Variants in DGAT1 observed in about 807,000 individuals in gnomAD.
DGAT1 encodes the protein ACAT related gene product 1.
A neutral mutation model predicts 72.6 loss-of-function variants in DGAT1; 60 were observed. The ratio of observed to expected loss-of-function variants is 0.83; its 90% CI spans 0.67 to 1.02. The LOEUF (loss-of-function observed/expected upper bound fraction) is 1.02, where lower values mean the gene tolerates loss of function less well. Ranked by LOEUF, DGAT1 falls within the 50% of genes least tolerant of loss-of-function variation. The pLI is 0.00. For synonymous variants in DGAT1, 290 were observed against 267.5 expected, an observed-to-expected ratio of 1.08 and a Z score of -0.82; for missense variants, 592 against 670.0, an observed-to-expected ratio of 0.88 and a Z score of 1.29.
chr8:144,316,241 G>T lies in DGAT1; in HGVS notation c.*313C>A. 2.9e-6 allele frequency: 1 copy of T among 346,202 alleles called. No homozygotes were observed. Among genetic ancestry groups the T allele is most frequent in the Non-Finnish European group, 5.4e-6 (1 of 186,760 alleles). The allele number at this position is 346,202 out of a possible 1,614,324, so 21.4% of individuals were successfully genotyped here. A position where few individuals can be genotyped will look rare whatever the true frequency, so the allele number is the denominator to read the frequency against. ...ACAGCTCTGGCACTCGCCCTTGTGGGTGTGGCCATACCCCCCACCAGGCCC... is the reference window on the plus strand; with the variant it reads ...ACAGCTCTGGCACTCGCCCTTGTGGTTGTGGCCATACCCCCCACCAGGCCC... On this transcript the variant is annotated 3_prime_UTR_variant, in exon 17 of 17. Transcript: ENST00000528718.
Position 144,317,407 on chromosome 8 carries a change from C to T in DGAT1, c.1020G>A (p.Trp340Ter), listed in dbSNP as rs782220518. 1.7e-5 allele frequency: 27 copies of T among 1,613,696 alleles called. No individual in the cohort carries two copies. Among genetic ancestry groups the T allele is most frequent in the Non-Finnish European group, 2.1e-5 (25 of 1,179,990 alleles). ...CGGCATTCAGGCAGGAGTGGAAGAG[C>T]CAGTAGAAGAAGATGAGCCAGATGA... ...NHLIWLIFFY[W>*]LFHSCLNAVA... is the part of the protein sequence containing the mutation. Residue 340 changes from tryptophan to a stop codon, truncating the protein, a stop_gained, in exon 13 of 17, where the codon TGG becomes TGA. Coordinates refer to ENST00000528718, the MANE Select transcript of DGAT1 (RefSeq NM_012079.6). LOFTEE classifies it high-confidence loss of function.
At position 144,315,331 on chromosome 8, in the gene DGAT1, C is replaced by G; in HGVS notation, c.*1223G>C. On this transcript the variant is annotated 3_prime_UTR_variant, in exon 17 of 17. Coordinates refer to ENST00000528718, the MANE Select transcript of DGAT1 (RefSeq NM_012079.6). ...ATGCCTCCATCTCAGGGCCCACCAG[C>G]CCCCACTGGGGTAGAGGGAGGATAC... The G allele has an allele frequency of 1.0e-6, 1 of 985,494 alleles. No homozygotes were observed. The highest frequency in any genetic ancestry group is 1.2e-6 in the Non-Finnish European group (1 of 829,962). 61.0% of individuals were successfully genotyped at this position (985,494 alleles called of 1,614,324 possible). A position where few individuals can be genotyped will look rare whatever the true frequency, so the allele number is the denominator to read the frequency against.
rs139134218 is a variant in DGAT1, at chr8:144,319,197, C to A, written c.289-129G>T. On this transcript the variant is annotated intron_variant, in intron 2 of 16. Transcript: ENST00000528718. ...GGCGGCAGCCTCAGGCTTGCAGACC[C>A]AGCCCTGTCTGGTCTCCATGCCAAG... 3.7e-4 allele frequency: 387 copies of A among 1,054,160 alleles called. No homozygotes were observed. The African/African-American group carries it at 5.6e-3, about 15-fold the overall frequency. 65.3% of individuals were successfully genotyped at this position (1,054,160 alleles called of 1,614,324 possible).
intron 1 of DGAT1, among the ~76,000 whole-genome samples, chr8:144,323,401 A>T (rs1554848395): frequency 6.6e-6 from 1 of 151,722 alleles, no homozygotes; most frequent in Non-Finnish European, 1.5e-5. Context: ...ACCCAGAGGC[A>T]GCACCCCCAC....
At chr8:144,324,098 G>A (rs1421406667) in intron 1 of DGAT1, among the ~76,000 whole-genome samples, 2 of 152,236 alleles carry the variant, frequency 1.3e-5, no homozygotes, top group East Asian at 3.9e-4. Flanking sequence ...TGTGCAAAGA[G>A]CCTGGCAGGA....
chr8:144,322,382 G>A (rs1554848280), intron 1 of DGAT1, among the ~76,000 whole-genome samples: 2 of 152,220 alleles, frequency 1.3e-5, no homozygotes, highest in African/African-American at 4.8e-5. Flanking sequence ...TAAGAGGAGA[G>A]GCCAGAGCCT....
At chr8:144,320,571 TTGGGGAGG>T (rs1554847997) in intron 2 of DGAT1, among the ~76,000 whole-genome samples, 2 of 151,920 alleles carry the variant, frequency 1.3e-5, no homozygotes, top group African/African-American at 4.8e-5. Context: ...CAGCCCTGAG[TTGGGGAGG>T]CTGGGCCCAG....
In DGAT1 at chr8:144,317,692, C is replaced by G. The variant is rs750514290; in HGVS notation, c.915G>C (p.Gln305His). The G allele has an allele frequency of 3.5e-5, 57 of 1,613,606 alleles. No homozygotes were observed. Among genetic ancestry groups the G allele is most frequent in the Non-Finnish European group, 4.6e-5 (54 of 1,180,004 alleles). Residue 305 changes from glutamine to histidine, a missense_variant, in exon 11 of 17, where the codon CAG becomes CAC. Physicochemically the swap from Gln to His is conservative, Grantham distance 24 (BLOSUM62 0). Transcript: ENST00000528718. ...LIQQWMVPTI[Q>H]NSMKPFKDMD... ...TCACCTTGAAGGGCTTCATGGAGTT[C>G]TGGATGGTGGGGACCATCCACTGCA...
chr8:144,314,817 C>T lies in DGAT1; in HGVS notation c.*1737G>A. On this transcript the variant is annotated 3_prime_UTR_variant, in exon 17 of 17. Coordinates refer to ENST00000528718, the MANE Select transcript of DGAT1 (RefSeq NM_012079.6). ...GCACAGAAGGGCCGGGCTGCAGTGG[C>T]CTCCTGGGGGAAGACGGATGCTTGC... 1.2e-6 allele frequency: 1 copy of T among 808,790 alleles called. No homozygotes were observed. Among genetic ancestry groups the T allele is most frequent in the Non-Finnish European group, 1.5e-6 (1 of 666,228 alleles). The allele number at this position is 808,790 out of a possible 1,614,324, so 50.1% of individuals were successfully genotyped here.
rs185694026 is a variant in DGAT1 at position 144,316,471 on chromosome 8, C to G, written c.*83G>C. 1 of 1,466,816 alleles carries G rather than the reference C, an allele frequency of 6.8e-7. No homozygotes were observed. The highest frequency in any genetic ancestry group is 2.5e-5 in the East Asian group (1 of 40,364). The allele number at this position is 1,466,816 out of a possible 1,614,324, so 90.9% of individuals were successfully genotyped here. The stretch of plus-strand genomic sequence containing the variant: ...GGATGCTGTGCAGCCAGGCCCATCC[C>G]CAGCACTCGAGGCCTAGGAGGAGAG... On this transcript the variant is annotated 3_prime_UTR_variant, in exon 17 of 17. Transcript: ENST00000528718.
Position 144,316,031 on chromosome 8 carries a change from G to T in DGAT1, c.*523C>A. On this transcript the variant is annotated 3_prime_UTR_variant, in exon 17 of 17. Transcript: ENST00000528718. ...GTTGACCATCCTGCACTGAGGGCCA[G>T]AGTGCCGATTCCCGCACACCCAGCA... The T allele has an allele frequency of 1.4e-6, 1 of 715,320 alleles. No individual in the cohort carries two copies. Among genetic ancestry groups the T allele is most frequent in the Non-Finnish European group, 1.7e-6 (1 of 581,510 alleles). The allele number at this position is 715,320 out of a possible 1,614,324, so 44.3% of individuals were successfully genotyped here.
At chr8:144,326,347 T>C in intron 1 of DGAT1, 90 bp downstream of exon 1, 1 of 1,206,172 alleles carries the variant, frequency 8.3e-7, no homozygotes, top group South Asian at 2.1e-5. Flanking sequence ...CCAGGGCCCA[T>C]GTTCTCGGAC....
Position 144,317,591 on chromosome 8 carries a change from G to A in DGAT1, c.937-3C>T, listed in dbSNP as rs1588681178. The A allele has an allele frequency of 1.2e-6, 2 of 1,613,882 alleles. No homozygotes were observed. Among genetic ancestry groups the A allele is most frequent in the Non-Finnish European group, 1.7e-6 (2 of 1,180,028 alleles). ...ATGATGCGTGAGTAGTCCATGTCCT[G>A]CAGAAACAAGCCCTTCAGCTAGCCA... On this transcript the variant is annotated splice_polypyrimidine_tract_variant and splice_region_variant and intron_variant, in intron 11 of 16. Coordinates refer to ENST00000528718, the MANE Select transcript of DGAT1 (RefSeq NM_012079.6).
intron 1 of DGAT1, 99 bp downstream of exon 1, chr8:144,326,338 C>T: frequency 8.8e-7 from 1 of 1,139,440 alleles, no homozygotes; most frequent in Non-Finnish European, 1.1e-6. Context: ...CCGCTTAGCC[C>T]AGGGCCCATG....
rs781823628 is a variant in DGAT1 at position 144,317,475 on chromosome 8, T to C, written c.982-30A>G. The C allele has an allele frequency of 3.7e-6, 6 of 1,613,538 alleles. No homozygotes were observed. In the East Asian group the frequency reaches 1.3e-4, roughly 36 times the overall value. On this transcript the variant is annotated intron_variant, in intron 12 of 16. Transcript: ENST00000528718. ...CAGGGAGGTGGGGGTGGGCACCAAGTTCTAGAACCTTCCCCCACATGCCAC... is the reference window on the plus strand; with the variant it reads ...CAGGGAGGTGGGGGTGGGCACCAAGCTCTAGAACCTTCCCCCACATGCCAC...
chr8:144,321,467 C>T (rs1199305482), intron 1 of DGAT1, 59 bp from the exon 2 acceptor site: 42 of 1,514,186 alleles, frequency 2.8e-5, no homozygotes, highest in South Asian at 1.7e-4. Flanking sequence ...GCGCCACCCC[C>T]GCAGGATCCA....
In DGAT1 at chr8:144,326,617, G is replaced by C; in HGVS notation, c.20C>G (p.Ser7Cys). 1 of 1,203,852 alleles carries C rather than the reference G, an allele frequency of 8.3e-7. No homozygotes were observed. Among genetic ancestry groups the C allele is most frequent in the Non-Finnish European group, 1.0e-6 (1 of 970,020 alleles). The allele number at this position is 1,203,852 out of a possible 1,614,324, so 74.6% of individuals were successfully genotyped here. MGDRGS[S>C]RRRRTGSRPS... ...CCGCGACCCTGTCCTCCGGCGCCGG[G>C]AGCTGCCGCGGTCGCCCATGGCCTC... The change falls in exon 1 of 17, where the codon TCC becomes TGC. Residue 7 changes from serine to cysteine, a missense_variant. Coordinates refer to ENST00000528718, the MANE Select transcript of DGAT1 (RefSeq NM_012079.6).
At chr8:144,319,131 A>G in intron 2 of DGAT1, 63 bp from the exon 3 acceptor site, 1 of 1,539,780 alleles carries the variant, frequency 6.5e-7, no homozygotes, top group South Asian at 1.2e-5. Flanking sequence ...CTCACCCCAG[A>G]TCCTCCCAAC....
At position 144,315,036 on chromosome 8, in the gene DGAT1, C is replaced by T; in HGVS notation, c.*1518G>A. 3.0e-6 allele frequency: 3 copies of T among 985,680 alleles called. No homozygotes were observed. The highest frequency in any genetic ancestry group is 3.5e-5 in the African/African-American group (2 of 57,352). 61.1% of individuals were successfully genotyped at this position (985,680 alleles called of 1,614,324 possible). On this transcript the variant is annotated 3_prime_UTR_variant, in exon 17 of 17. Transcript: ENST00000528718. ...GGGCACACTGTCTTTCTGCCAGAGC[C>T]AGCACCCTGTGTAGGCACGGGGAAC...
Sources: allele counts gnomAD v4.1 joint callset (sites outside exome capture counted in the v4.1 genomes callset), GRCh38; gene constraint gnomAD v4.1.1; transcripts MANE v1.5; gene names NCBI Gene and HGNC (gene_info 2026-07-23, HGNC 2026-07-21).